ST6GALNAC3: variants seen among roughly 807,000 people sequenced by gnomAD.
ST6GALNAC3 encodes ST6 N-acetylgalactosaminide alpha-2,6-sialyltransferase 3.
In ST6GALNAC3, 25 loss-of-function variants were observed where a neutral mutation model predicts 32.7. The observed-to-expected ratio is 0.76, with a 90% CI of 0.56 to 1.07. ST6GALNAC3 has a LOEUF of 1.07. Ranked by LOEUF, ST6GALNAC3 falls within the 50% of genes least tolerant of loss-of-function variation. The pLI is 0.00. For synonymous variants in ST6GALNAC3, 129 were observed against 133.1 expected, an observed-to-expected ratio of 0.97 and a Z score of 0.21; for missense variants, 355 against 382.4, an observed-to-expected ratio of 0.93 and a Z score of 0.60.
At chr1:76,503,730 A>G (rs1329546207) in intron 3 of ST6GALNAC3, among the ~76,000 whole-genome samples, 2 of 152,150 alleles carry the variant, frequency 1.3e-5, no homozygotes, top group African/African-American at 4.8e-5. Flanking sequence ...AGTAGTAGTA[A>G]TCAGCTGAAA....
intron 1 of ST6GALNAC3, among the ~76,000 whole-genome samples, chr1:76,230,278 T>G (rs1434468302): frequency 6.6e-6 from 1 of 152,188 alleles, no homozygotes; most frequent in East Asian, 1.9e-4. Flanking sequence ...ATATCACACC[T>G]TATTTTGTTA....
At chr1:76,211,784 G>T (rs2100575460) in intron 1 of ST6GALNAC3, among the ~76,000 whole-genome samples, 1 of 152,120 alleles carries the variant, frequency 6.6e-6, no homozygotes, top group Admixed American at 6.5e-5. Flanking sequence ...GGGGCCTGTT[G>T]TGGGGTGGGG....
At chr1:76,460,004 G>A (rs578056827) in intron 3 of ST6GALNAC3, among the ~76,000 whole-genome samples, 19 of 152,244 alleles carry the variant, frequency 1.2e-4, no homozygotes, top group Admixed American at 1.2e-3. Flanking sequence ...GGAATACTTA[G>A]GAGTAGAATT....
rs577418730 is a variant in ST6GALNAC3, at chr1:76,343,162, G to T, written c.213+29163G>T. Among the ~76,000 whole-genome samples, 5 of 152,174 alleles carry T rather than the reference G, an allele frequency of 3.3e-5. 1 individual carries two copies. The East Asian group carries it at 5.8e-4, about 18-fold the overall frequency. ...ACTTATTTGCCTAGTCCAATGTCTA[G>T]CAGAGTATTTATTAGGTTTTCTTCT... is the stretch of plus-strand genomic sequence containing the variant. On this transcript the variant is annotated intron_variant, in intron 2 of 4. Transcript: ENST00000328299.
intron 3 of ST6GALNAC3, among the ~76,000 whole-genome samples, chr1:76,619,762 T>C (rs1648520158): frequency 6.6e-6 from 1 of 152,170 alleles, no homozygotes; most frequent in Admixed American, 6.5e-5. Context: ...TTGAGGTCTG[T>C]ACCAGGTTAG....
chr1:76,579,770 T>C (rs567337867), intron 3 of ST6GALNAC3, among the ~76,000 whole-genome samples: 26 of 152,080 alleles, frequency 1.7e-4, no homozygotes, highest in Non-Finnish European at 3.5e-4. Context: ...TACTTAGTAG[T>C]TAGATCTAGA....
chr1:76,311,210 C>T (rs1284044835), intron 1 of ST6GALNAC3, among the ~76,000 whole-genome samples: 1 of 152,158 alleles, frequency 6.6e-6, no homozygotes, highest in Non-Finnish European at 1.5e-5. Flanking sequence ...TACTCTCTCC[C>T]TGCTCCAAAG....
chr1:76,601,542 A>C (rs147020750), intron 3 of ST6GALNAC3, among the ~76,000 whole-genome samples: 256 of 152,348 alleles, frequency 1.7e-3, no homozygotes, highest in African/African-American at 5.8e-3. Context: ...TAAAGAAAGA[A>C]AATTTAAACC....
Position 76,485,839 on chromosome 1 carries a change from C to A in ST6GALNAC3, c.623+73422C>A, listed in dbSNP as rs189434250. The stretch of plus-strand genomic sequence containing the variant: ...TTAGGGTGTCCATTTTAGATCTTTC[C>A]TGCTTTCTCTTGTGGACATTTAGTA... On this transcript the variant is annotated intron_variant, in intron 3 of 4. Coordinates refer to ENST00000328299, the MANE Select transcript of ST6GALNAC3 (RefSeq NM_152996.4). 3.9e-5 allele frequency among the ~76,000 whole-genome samples: 6 copies of A among 152,248 alleles called. No individual in the cohort carries two copies. The East Asian group carries it at 1.2e-3, about 29-fold the overall frequency.
At chr1:76,505,343 C>T (rs1661418780) in intron 3 of ST6GALNAC3, among the ~76,000 whole-genome samples, 2 of 152,166 alleles carry the variant, frequency 1.3e-5, no homozygotes, top group South Asian at 2.1e-4. Flanking sequence ...AGGATGGTCT[C>T]GATCTCCTGA....
intron 2 of ST6GALNAC3, among the ~76,000 whole-genome samples, chr1:76,315,392 A>T (rs1646846519): frequency 6.6e-6 from 1 of 152,168 alleles, no homozygotes; most frequent in Admixed American, 6.6e-5. Flanking sequence ...GTATTCTCAT[A>T]TGGGAAATCC....
At chr1:76,610,416 G>T (rs1647845691) in intron 3 of ST6GALNAC3, among the ~76,000 whole-genome samples, 2 of 152,106 alleles carry the variant, frequency 1.3e-5, no homozygotes, top group Non-Finnish European at 2.9e-5. Flanking sequence ...CCAGTTCACT[G>T]CAGAACAGGG....
chr1:76,188,834 A>G (rs950020392), intron 1 of ST6GALNAC3, among the ~76,000 whole-genome samples: 1 of 152,222 alleles, frequency 6.6e-6, no homozygotes, highest in Non-Finnish European at 1.5e-5. Flanking sequence ...GAAGAGGACA[A>G]TTGGTCTTGC....
chr1:76,168,399 G>T (rs1422591553), intron 1 of ST6GALNAC3, among the ~76,000 whole-genome samples: 1 of 152,076 alleles, frequency 6.6e-6, no homozygotes, highest in Non-Finnish European at 1.5e-5. Flanking sequence ...TTTTATTTCT[G>T]ATTATGTGAT....
At chr1:76,123,637 T>G (rs1649038925) in intron 1 of ST6GALNAC3, among the ~76,000 whole-genome samples, 1 of 152,012 alleles carries the variant, frequency 6.6e-6, no homozygotes, top group African/African-American at 2.4e-5. Context: ...AGTAAATATT[T>G]TAATAATAGT....
At chr1:76,597,904 A>G (rs888256887) in intron 3 of ST6GALNAC3, among the ~76,000 whole-genome samples, 1 of 152,118 alleles carries the variant, frequency 6.6e-6, no homozygotes, top group African/African-American at 2.4e-5. Flanking sequence ...GATTTCAGTC[A>G]TCCAGGCCGA....
At chr1:76,609,981 T>C (rs577674134) in intron 3 of ST6GALNAC3, among the ~76,000 whole-genome samples, 9 of 152,294 alleles carry the variant, frequency 5.9e-5, no homozygotes, top group African/African-American at 2.2e-4. Context: ...CTGAGGATTT[T>C]TGAGTCTGTA....
At chr1:76,351,355 A>T (rs898474084) in intron 2 of ST6GALNAC3, among the ~76,000 whole-genome samples, 1 of 152,136 alleles carries the variant, frequency 6.6e-6, no homozygotes, top group African/African-American at 2.4e-5. Flanking sequence ...ACATTTTCAT[A>T]ATTATCTATA....
intron 3 of ST6GALNAC3, among the ~76,000 whole-genome samples, chr1:76,448,652 A>G (rs931764926): frequency 6.6e-6 from 1 of 152,118 alleles, no homozygotes; most frequent in African/African-American, 2.4e-5. Context: ...TGGTGATAGT[A>G]AATAAGTCTC....
Sources: allele counts gnomAD v4.1 joint callset (sites outside exome capture counted in the v4.1 genomes callset), GRCh38; gene constraint gnomAD v4.1.1; transcripts MANE v1.5; gene names NCBI Gene and HGNC (gene_info 2026-07-23, HGNC 2026-07-21).